Variants in LAMC1 observed in about 807,000 individuals in gnomAD.
LAMC1 encodes laminin subunit gamma 1.
LAMC1 carries 38 observed loss-of-function variants against 173.6 expected under a neutral mutation model. That is an observed-to-expected ratio of 0.22 (90% CI 0.17 to 0.29). The LOEUF (loss-of-function observed/expected upper bound fraction) is 0.29. Ranked by LOEUF, LAMC1 falls within the 10% of genes least tolerant of loss-of-function variation. The pLI, the probability that LAMC1 is intolerant of heterozygous loss-of-function variation, is 1.00. For missense variants in LAMC1, 1,824 were observed against 2,051.8 expected (o/e 0.89, Z 2.14); for synonymous variants, 746 against 749.1 (o/e 1.00, Z 0.07).
intron 20 of LAMC1, among the ~76,000 whole-genome samples, chr1:183,131,640 CA>C (rs1656794642): frequency 6.6e-6 from 1 of 152,046 alleles, no homozygotes; most frequent in Admixed American, 6.5e-5. Context: ...TTATATTTCT[CA>C]AAACCATAAT....
chr1:183,112,545 T>C (rs996458004), intron 4 of LAMC1, among the ~76,000 whole-genome samples: 2 of 152,178 alleles, frequency 1.3e-5, no homozygotes, highest in African/African-American at 4.8e-5. Context: ...GTTGTGACAA[T>C]ACTACATTAA....
chr1:183,078,677 CA>C (rs1320407010), intron 1 of LAMC1, among the ~76,000 whole-genome samples: 1 of 151,626 alleles, frequency 6.6e-6, no homozygotes, highest in Non-Finnish European at 1.5e-5. Flanking sequence ...ACATGTAATT[CA>C]TGTAAGAAAT....
At chr1:183,097,252 C>T (rs898827140) in intron 1 of LAMC1, among the ~76,000 whole-genome samples, 2 of 152,126 alleles carry the variant, frequency 1.3e-5, no homozygotes, top group Non-Finnish European at 2.9e-5. Flanking sequence ...CATTTAGTAG[C>T]CTAAACACAC....
At position 183,125,558 on chromosome 1, in the gene LAMC1, A is replaced by T. The variant is rs370894350; in HGVS notation, c.2801+8A>T. The T allele has an allele frequency of 6.5e-7, 1 of 1,544,212 alleles. No homozygotes were observed. Among genetic ancestry groups the T allele is most frequent in the Admixed American group, 2.2e-5 (1 of 45,810 alleles). ...TGGGCAAGGCTGTGAGAGGTGAGAC[A>T]TAGGTGCCTTTGGTGAAAGTAATCT... On this transcript the variant is annotated splice_region_variant and intron_variant, in intron 15 of 27. Transcript: ENST00000258341.
At chr1:183,055,408 A>C (rs1654560753) in intron 1 of LAMC1, among the ~76,000 whole-genome samples, 1 of 152,050 alleles carries the variant, frequency 6.6e-6, no homozygotes, top group Non-Finnish European at 1.5e-5. Flanking sequence ...TGACTAATTT[A>C]GCCTCTTGAA....
chr1:183,027,410 G>A (rs750222038), intron 1 of LAMC1, among the ~76,000 whole-genome samples: 1 of 152,078 alleles, frequency 6.6e-6, no homozygotes, highest in Non-Finnish European at 1.5e-5. Flanking sequence ...GTACCAGTGG[G>A]GTAGTAGTTG....
At chr1:183,120,193 TGGC>T (rs1297283032) in intron 11 of LAMC1, among the ~76,000 whole-genome samples, 3 of 75,802 alleles carry the variant, frequency 4.0e-5, no homozygotes, top group South Asian at 5.3e-4. Flanking sequence ...AAAAAAAAGG[TGGC>T]GGGGTGGTGT....
intron 1 of LAMC1, among the ~76,000 whole-genome samples, chr1:183,048,694 T>A (rs1417872308): frequency 6.6e-6 from 1 of 152,172 alleles, no homozygotes; most frequent in Non-Finnish European, 1.5e-5. Context: ...ATTTATGAGT[T>A]TTATTTTGGG....
intron 1 of LAMC1, among the ~76,000 whole-genome samples, 179 bp from the exon 2 acceptor site, chr1:183,103,149 G>T (rs1173192090): frequency 6.6e-6 from 1 of 152,128 alleles, no homozygotes; most frequent in Non-Finnish European, 1.5e-5. Flanking sequence ...GGACCCAACT[G>T]CAGTTTGTCA....
At position 183,117,574 on chromosome 1, in the gene LAMC1, C is replaced by T. The variant is rs1656356713; in HGVS notation, c.1728C>T (p.Asn576=). The change falls in exon 10 of 28, where the codon AAC becomes AAT. Residue 576 remains asparagine, a synonymous_variant. Coordinates refer to ENST00000258341, the MANE Select transcript of LAMC1 (RefSeq NM_002293.4). ...AGCAGGTGTTGAGTTATGGTCAGAACCTCTCCTTCTCCTTTCGAGTGGACA... is the reference window on the plus strand; with the variant it reads ...AGCAGGTGTTGAGTTATGGTCAGAATCTCTCCTTCTCCTTTCGAGTGGACA... The part of the protein sequence containing the change: ...LGKQVLSYGQ[N]LSFSFRVDRR... The T allele has an allele frequency of 6.2e-7, 1 of 1,614,204 alleles. No homozygotes were observed. Among genetic ancestry groups the T allele is most frequent in the East Asian group, 2.2e-5 (1 of 44,876 alleles).
At position 183,110,606 on chromosome 1, in the gene LAMC1, G is replaced by A; in HGVS notation, c.973G>A (p.Asp325Asn). The A allele has an allele frequency of 2.5e-6, 4 of 1,614,000 alleles. No individual in the cohort carries two copies. Among genetic ancestry groups the A allele is most frequent in the East Asian group, 2.2e-5 (1 of 44,884 alleles). ...TGAAAAGTGTCTTCCTTTCTTCAAT[G>A]ACCGGCCGTGGAGGAGGGCAACTGC... ...DCEKCLPFFN[D>N]RPWRRATAES... Residue 325 changes from aspartate to asparagine, a missense_variant, in exon 4 of 28, where the codon GAC (aspartate) becomes AAC (asparagine). Coordinates refer to ENST00000258341, the MANE Select transcript of LAMC1 (RefSeq NM_002293.4).
intron 6 of LAMC1, 32 bp downstream of exon 6, chr1:183,115,669 C>T: frequency 2.2e-6 from 3 of 1,366,132 alleles, no homozygotes; most frequent in Non-Finnish European, 3.1e-6. Context: ...AAGAAGGGGG[C>T]AGAATCTATA....
intron 1 of LAMC1, among the ~76,000 whole-genome samples, chr1:183,079,822 A>T (rs1655221391): frequency 6.6e-6 from 1 of 152,210 alleles, no homozygotes; most frequent in Non-Finnish European, 1.5e-5. Flanking sequence ...AATAACTAAC[A>T]AGCATTATTA....
intron 1 of LAMC1, 114 bp downstream of exon 1, chr1:183,024,248 G>T (rs764848002): frequency 1.2e-5 from 13 of 1,042,206 alleles, no homozygotes; most frequent in Non-Finnish European, 1.6e-5. Flanking sequence ...TTTGCTCTCT[G>T]TTCCCCGGCA....
chr1:183,071,105 TG>T (rs1655001281), intron 1 of LAMC1, among the ~76,000 whole-genome samples: 2 of 151,782 alleles, frequency 1.3e-5, no homozygotes, highest in South Asian at 4.2e-4. Flanking sequence ...TTTTTTTTTT[TG>T]AGTCCCATTA....
chr1:183,077,776 G>GTGTGTGTGTGTGTATA, intron 1 of LAMC1, among the ~76,000 whole-genome samples: 15 of 116,552 alleles, frequency 1.3e-4, no homozygotes, highest in South Asian at 3.0e-4. Flanking sequence ...TGGCCATTGT[G>GTGTGTGTGTGTGTATA]TATATATATA....
chr1:183,061,533 G>T (rs2102032218), intron 1 of LAMC1, among the ~76,000 whole-genome samples: 2 of 151,890 alleles, frequency 1.3e-5, no homozygotes. Flanking sequence ...AGTGCTTTTT[G>T]GAAAACAACA....
chr1:183,050,447 A>C (rs1414681422), intron 1 of LAMC1, among the ~76,000 whole-genome samples: 2 of 150,082 alleles, frequency 1.3e-5, no homozygotes, highest in Non-Finnish European at 3.0e-5. Context: ...ATGCCTGGCT[A>C]ATTTTTTTGT....
At chr1:183,073,390 G>A (rs1426036676) in intron 1 of LAMC1, among the ~76,000 whole-genome samples, 2 of 152,152 alleles carry the variant, frequency 1.3e-5, no homozygotes, top group Non-Finnish European at 2.9e-5. Flanking sequence ...AAAAACAAAG[G>A]TTTTGGCAGG....
Sources: allele counts gnomAD v4.1 joint callset (sites outside exome capture counted in the v4.1 genomes callset), GRCh38; gene constraint gnomAD v4.1.1; transcripts MANE v1.5; gene names NCBI Gene and HGNC (gene_info 2026-07-23, HGNC 2026-07-21).